Variants in SPTBN4 observed in about 807,000 individuals in gnomAD.
SPTBN4 encodes spectrin beta chain, non-erythrocytic 4.
SPTBN4 carries 96 observed loss-of-function variants against 277.8 expected under a neutral mutation model. The observed-to-expected ratio is 0.35, with a 90% CI of 0.29 to 0.41. The LOEUF (loss-of-function observed/expected upper bound fraction) is 0.41, where lower values mean the gene tolerates loss of function less well. Among genes scored for constraint, SPTBN4 ranks in the 10% least tolerant of loss-of-function variants. The pLI is 1.00. For synonymous variants in SPTBN4, 1,481 were observed against 1,580.3 expected (o/e 0.94, Z 1.49); for missense variants, 3,006 against 3,595.7 (o/e 0.84, Z 4.19).
At chr19:40,471,659 G>A (rs2079885166) in intron 1 of SPTBN4, among the ~76,000 whole-genome samples, 1 of 152,200 alleles carries the variant, frequency 6.6e-6, no homozygotes, top group South Asian at 2.1e-4. Flanking sequence ...TGTAGCCTTG[G>A]CTTCTTGGGC....
At position 40,566,351 on chromosome 19, in the gene SPTBN4, C is replaced by T; in HGVS notation, c.6328C>T (p.Leu2110=). 2.6e-6 allele frequency: 4 copies of T among 1,556,136 alleles called. No homozygotes were observed. The highest frequency in any genetic ancestry group is 3.5e-6 in the Non-Finnish European group (4 of 1,150,570). ...AGAGAGGTTCAGCTCTCTGCGGCGCCTGACCACGGTCAGCTCCCCAGATAC... is the reference window on the plus strand; with the variant it reads ...AGAGAGGTTCAGCTCTCTGCGGCGCTTGACCACGGTCAGCTCCCCAGATAC... ...WEERFSSLRR[L]TTIEKIKAEQ... is the part of the protein sequence containing the mutation. The change falls in exon 30 of 36, where the codon CTG becomes TTG. Residue 2110 remains leucine (L), a synonymous_variant. Coordinates refer to ENST00000598249, the MANE Select transcript of SPTBN4 (RefSeq NM_020971.3).
rs755928833 is a variant in SPTBN4 at position 40,568,156 on chromosome 19, C to T, written c.6830C>T (p.Ala2277Val). The change falls in exon 31 of 36, where the codon GCG becomes GTG. Residue 2277 changes from alanine (A) to valine (V), a missense_variant. Ala to Val is a moderately conservative substitution (Grantham distance 64). Around this residue, in one of 5 missense-constraint regions of SPTBN4, gnomAD observed 630 missense variants for 677.6 expected, o/e 0.93. Transcript: ENST00000598249. The stretch of plus-strand genomic sequence containing the variant: ...CGGCAGGAGTCAGCGGAGCACGAGG[C>T]GGCACACAGCCTTACCCTGGGCCGC... ...PERQESAEHEAAHSLTLGRYE... is the reference protein window; with the variant it reads ...PERQESAEHEVAHSLTLGRYE... 1.3e-6 allele frequency: 2 copies of T among 1,580,648 alleles called. No individual in the cohort carries two copies. Among genetic ancestry groups the T allele is most frequent in the South Asian group, 2.3e-5 (2 of 86,908 alleles).
rs1036652446 is a variant in SPTBN4 at position 40,514,376 on chromosome 19, G to A, written c.2765+822G>A. Among the ~76,000 whole-genome samples the A allele has an allele frequency of 3.9e-5, 6 of 152,334 alleles. No homozygotes were observed. In the East Asian group the frequency reaches 1.2e-3, roughly 29 times the overall value. On this transcript the variant is annotated intron_variant, in intron 14 of 35. Coordinates refer to ENST00000598249, the MANE Select transcript of SPTBN4 (RefSeq NM_020971.3). ...GTGGCTGCCATGTGGAGGGCAGGTT[G>A]GAGCGGGTAAGAGTTGTGGCTGGGA...
intron 2 of SPTBN4, among the ~76,000 whole-genome samples, chr19:40,473,520 G>A (rs1222512581): frequency 6.6e-6 from 1 of 151,862 alleles, no homozygotes; most frequent in East Asian, 1.9e-4. Flanking sequence ...ACCACGCCCA[G>A]CTAATTTTGT....
intron 25 of SPTBN4, 27 bp from the exon 26 acceptor site, chr19:40,556,996 A>AG: frequency 7.3e-7 from 1 of 1,363,600 alleles, no homozygotes; most frequent in Non-Finnish European, 9.8e-7. Context: ...ACTTTGCTGT[A>AG]CCCCCCCCCC....
chr19:40,502,262 G>A lies in SPTBN4; in HGVS notation c.1032G>A (p.Val344=), dbSNP rs774120724. 2 of 1,613,790 alleles carry A rather than the reference G, an allele frequency of 1.2e-6. No individual in the cohort carries two copies. Among genetic ancestry groups the A allele is most frequent in the South Asian group, 2.2e-5 (2 of 91,082 alleles). The change falls in exon 9 of 36, where the codon GTG becomes GTA. Residue 344 remains valine (V), a synonymous_variant. Transcript: ENST00000598249. The surrounding 1 kb of genome is among the most constrained non-coding windows in gnomAD (Gnocchi z 4.9). The part of the protein sequence containing the change: ...NQKFANSLSG[V]QQQLQAFTAY... ...AATTTGCCAACTCCTTAAGTGGGGTGCAGCAGCAACTCCAGGCTTTCACGG... is the reference window on the plus strand; with the variant it reads ...AATTTGCCAACTCCTTAAGTGGGGTACAGCAGCAACTCCAGGCTTTCACGG...
At chr19:40,529,289 CGCAT>C (rs1457887343) in intron 18 of SPTBN4, among the ~76,000 whole-genome samples, 158 bp downstream of exon 18, 12 of 152,324 alleles carry the variant, frequency 7.9e-5, no homozygotes, top group Admixed American at 4.6e-4. Context: ...GGTCTCAGTG[CGCAT>C]GCTCCGCAAG....
chr19:40,479,703 T>TATATATATATATATATA (rs55717416), intron 2 of SPTBN4, among the ~76,000 whole-genome samples: 2 of 144,644 alleles, frequency 1.4e-5, no homozygotes, highest in South Asian at 2.1e-4. Flanking sequence ...TATATATATA[T>TATATATATATATATATA]TTAACTTTTT....
Position 40,523,595 on chromosome 19 carries a change from C to T in SPTBN4, c.3813C>T (p.Ile1271=). ...AAEGLLRQGN[I]YGEQAQEAVT... is the part of the protein sequence containing the mutation. The stretch of plus-strand genomic sequence containing the variant: ...AGGGCCTGCTGAGGCAGGGCAACAT[C>T]TACGGGGAGCAGGCTCAGGAGGCTG... The change falls in exon 17 of 36, where the codon ATC becomes ATT. Residue 1271 remains isoleucine (I), a synonymous_variant. Coordinates refer to ENST00000598249, the MANE Select transcript of SPTBN4 (RefSeq NM_020971.3). 2 of 1,614,008 alleles carry T rather than the reference C, an allele frequency of 1.2e-6. No individual in the cohort carries two copies. The highest frequency in any genetic ancestry group is 4.5e-5 in the East Asian group (2 of 44,876).
At chr19:40,497,114 C>G (rs901197215) in intron 6 of SPTBN4, among the ~76,000 whole-genome samples, 5 of 150,518 alleles carry the variant, frequency 3.3e-5, no homozygotes, top group Non-Finnish European at 7.4e-5. Flanking sequence ...TGTGTCCTCA[C>G]ACAACACACA....
intron 7 of SPTBN4, among the ~76,000 whole-genome samples, chr19:40,501,339 A>G (rs1176195888): frequency 6.6e-6 from 1 of 152,152 alleles, no homozygotes; most frequent in Non-Finnish European, 1.5e-5. Flanking sequence ...AGCACATGCA[A>G]AGGCCCTGAG....
rs138938903 is a variant in SPTBN4, at chr19:40,502,027, C to T, written c.891C>T (p.Ile297=). Residue 297 remains isoleucine, a synonymous_variant, in exon 8 of 36, where the codon ATC becomes ATT. Coordinates refer to ENST00000598249, the MANE Select transcript of SPTBN4 (RefSeq NM_020971.3). The surrounding 1 kb of genome is among the most constrained non-coding windows in gnomAD (Gnocchi z 4.9). ...CTCTGGCTGTGGAGGGGAAGCGTAT[C>T]GGGAAGGTATAAGGAGCCAAGGAGT... is the stretch of plus-strand genomic sequence containing the variant. ...MKALAVEGKR[I]GKVLDQVLEV... The T allele has an allele frequency of 1.2e-4, 196 of 1,613,960 alleles. No homozygotes were observed. The highest frequency in any genetic ancestry group is 1.5e-4 in the Non-Finnish European group (182 of 1,180,028).
At chr19:40,541,004 C>T (rs933572330) in intron 20 of SPTBN4, among the ~76,000 whole-genome samples, 1 of 152,074 alleles carries the variant, frequency 6.6e-6, no homozygotes, top group East Asian at 1.9e-4. Context: ...TCGTCCTTGC[C>T]AACACTTGGT....
chr19:40,503,743 A>T lies in SPTBN4; in HGVS notation c.1363-87A>T, dbSNP rs1206951934. Reference sequence around the variant, plus strand: ...GCAGGGCCAGTCTCCAAGGTAATGGAGTGGGGAGTCCCCAGGGTCACACAG... The same window carrying T: ...GCAGGGCCAGTCTCCAAGGTAATGGTGTGGGGAGTCCCCAGGGTCACACAG... On this transcript the variant is annotated intron_variant, in intron 11 of 35. Transcript: ENST00000598249. 5.0e-6 allele frequency: 7 copies of T among 1,395,684 alleles called. No individual in the cohort carries two copies. The East Asian group carries it at 1.7e-4, about 35-fold the overall frequency. The allele number at this position is 1,395,684 out of a possible 1,614,324, so 86.5% of individuals were successfully genotyped here.
In SPTBN4 at chr19:40,575,769, C is replaced by G; in HGVS notation, c.*200C>G. ...GATTGCTGCCCCTATAGCCATATCT[C>G]GGCCCCTTCCCACTCACCACCCCCA... On this transcript the variant is annotated 3_prime_UTR_variant, in exon 36 of 36. Coordinates refer to ENST00000598249, the MANE Select transcript of SPTBN4 (RefSeq NM_020971.3). The G allele has an allele frequency of 1.8e-6, 1 of 559,416 alleles. No homozygotes were observed. 34.7% of individuals were successfully genotyped at this position (559,416 alleles called of 1,614,324 possible).
At chr19:40,521,133 C>T (rs1236207101) in intron 16 of SPTBN4, among the ~76,000 whole-genome samples, 2 of 152,122 alleles carry the variant, frequency 1.3e-5, no homozygotes, top group East Asian at 3.9e-4. Flanking sequence ...CCATGTTGGC[C>T]AGGATGGTTT....
intron 4 of SPTBN4, 78 bp from the exon 5 acceptor site, chr19:40,492,885 G>GGTAGCAGATGGTGA: frequency 1.6e-6 from 2 of 1,284,958 alleles, no homozygotes; most frequent in Non-Finnish European, 2.2e-6. Flanking sequence ...CACCTTCTCT[G>GGTAGCAGATGGTGA]GTAGCAGATG....
chr19:40,480,463 G>A (rs113573714), intron 2 of SPTBN4, among the ~76,000 whole-genome samples: 1,885 of 152,122 alleles, frequency 0.012, 37 homozygotes, highest in African/African-American at 0.041. Context: ...CTCCAGAAAA[G>A]CATCCTCATG....
chr19:40,498,094 C>T (rs774836795), intron 7 of SPTBN4, among the ~76,000 whole-genome samples: 5 of 152,024 alleles, frequency 3.3e-5, no homozygotes, highest in South Asian at 2.1e-4. Flanking sequence ...AAACTCATTT[C>T]GCCCTAGCCC....
Sources: gnomAD v4.1 joint callset for allele counts (sites outside exome capture counted in the v4.1 genomes callset) on GRCh38, gnomAD v4.1.1 for gene constraint, gnomAD v4.1.1 regional missense constraint, Gnocchi (gnomAD v3.1) non-coding constraint, MANE v1.5 for transcripts, NCBI Gene and HGNC (gene_info 2026-07-23, HGNC 2026-07-21) for gene names.